Variants in HDAC9 observed in about 807,000 individuals in gnomAD.
HDAC9 encodes histone deacetylase 9, also known as MEF-2 interacting transcription repressor (MITR) protein.
A neutral mutation model predicts 139.4 loss-of-function variants in HDAC9; 41 were observed. The ratio of observed to expected loss-of-function variants is 0.29; its 90% CI spans 0.23 to 0.38. The LOEUF is 0.38. Ranked by LOEUF, HDAC9 falls within the 10% of genes least tolerant of loss-of-function variation. The probability of loss-of-function intolerance (pLI) is 1.00; values close to 1 mark genes in which losing one functional copy is unlikely to be tolerated. For missense variants in HDAC9, 1,147 were observed against 1,297.0 expected, an observed-to-expected ratio of 0.88 and a Z score of 1.78; for synonymous variants, 517 against 476.2, an observed-to-expected ratio of 1.09 and a Z score of -1.12.
Position 18,637,424 on chromosome 7 carries a change from C to G in HDAC9, c.912+2682C>G, listed in dbSNP as rs543827522. On this transcript the variant is annotated intron_variant, in intron 8 of 25. Coordinates refer to ENST00000686413, the MANE Select transcript of HDAC9 (RefSeq NM_178425.4). The stretch of plus-strand genomic sequence containing the variant: ...ATATTTCTAAAGCCATAACTTGGCA[C>G]AAATCATCTGTTTAGGTACCCTAGC... Among the ~76,000 whole-genome samples, 6 of 152,140 alleles carry G rather than the reference C, an allele frequency of 3.9e-5. No homozygotes were observed. The South Asian group carries it at 1.2e-3, about 32-fold the overall frequency.
At chr7:18,924,833 G>A (rs190571913) in intron 22 of HDAC9, among the ~76,000 whole-genome samples, 84 of 152,190 alleles carry the variant, frequency 5.5e-4, no homozygotes, top group African/African-American at 1.9e-3. Context: ...TTCAGAAACC[G>A]TGAGGATGAT....
chr7:18,330,156 T>G (rs1459563858), intron 1 of HDAC9, among the ~76,000 whole-genome samples: 1 of 151,692 alleles, frequency 6.6e-6, no homozygotes, highest in Admixed American at 6.6e-5. Context: ...ATTTAGATTG[T>G]GAAGATTCTT....
In HDAC9 at chr7:18,610,781, CTA is replaced by C. The variant is rs577550796; in HGVS notation, c.664+16754_664+16755del. Among the ~76,000 whole-genome samples, 599 of 152,308 alleles carry C rather than the reference CTA, an allele frequency of 3.9e-3. 3 individuals carry two copies. The highest frequency in any genetic ancestry group is 0.014 in the African/African-American group (572 of 41,580). On this transcript the variant is annotated intron_variant, in intron 6 of 25. Coordinates refer to ENST00000686413, the MANE Select transcript of HDAC9 (RefSeq NM_178425.4). ...CTCAAAGGAAACTTTTCCCAATCCTCTATGTTTTCTGCCCCAAAACAGTGATG... is the reference window on the plus strand; with the variant it reads ...CTCAAAGGAAACTTTTCCCAATCCTCTGTTTTCTGCCCCAAAACAGTGATG...
At chr7:18,744,012 GT>G (rs35414332) in intron 13 of HDAC9, among the ~76,000 whole-genome samples, 1,989 of 110,424 alleles carry the variant, frequency 0.018, 6 homozygotes, top group African/African-American at 0.042. Context: ...TTTACTACTA[GT>G]TTTTTTTTTT....
intron 12 of HDAC9, among the ~76,000 whole-genome samples, chr7:18,683,127 C>T (rs560023754): frequency 1.3e-5 from 2 of 151,660 alleles, no homozygotes; most frequent in Admixed American, 6.6e-5. Flanking sequence ...TTACAAAAAA[C>T]GAATAACAAT....
rs573220020 is a variant in HDAC9 at position 18,527,987 on chromosome 7, C to G, written c.22+31663C>G. On this transcript the variant is annotated intron_variant, in intron 2 of 25. Coordinates refer to ENST00000686413, the MANE Select transcript of HDAC9 (RefSeq NM_178425.4). ...ATTTTTAAAAAATACACATTTGGTA[C>G]CTTAAGAATGAAATAATTATAGGTC... Among the ~76,000 whole-genome samples the G allele has an allele frequency of 3.9e-5, 6 of 151,928 alleles. No homozygotes were observed. In the South Asian group the frequency reaches 1.2e-3, roughly 32 times the overall value.
chr7:18,312,131 G>A (rs895649703), intron 1 of HDAC9, among the ~76,000 whole-genome samples: 2 of 152,140 alleles, frequency 1.3e-5, no homozygotes, highest in Non-Finnish European at 2.9e-5. Flanking sequence ...TACCATGGCT[G>A]CATATTTTTG....
chr7:18,264,188 A>G (rs1795857653), intron 2 of HDAC9, among the ~76,000 whole-genome samples: 2 of 152,172 alleles, frequency 1.3e-5, no homozygotes, highest in South Asian at 2.1e-4. Flanking sequence ...TAGGCCTAAT[A>G]GGCATTTCCA....
exon 2 of HDAC9, chr7:18,162,320 T>G: frequency 6.5e-7 from 1 of 1,535,330 alleles, no homozygotes; most frequent in Admixed American, 2.0e-5. Flanking sequence ...GTCCCTCTGA[T>G]TCTCATGATG....
intron 22 of HDAC9, among the ~76,000 whole-genome samples, chr7:18,913,839 C>T (rs1227773243): frequency 6.6e-6 from 1 of 151,952 alleles, no homozygotes; most frequent in Non-Finnish European, 1.5e-5. Flanking sequence ...TAAATTAGCT[C>T]TTTCAATAAT....
At chr7:18,874,378 C>G (rs910028644) in intron 21 of HDAC9, 100 bp from the exon 22 acceptor site, 17 of 610,244 alleles carry the variant, frequency 2.8e-5, no homozygotes, top group Admixed American at 1.7e-4. Flanking sequence ...TTTCTTTATT[C>G]TTGGGAGGTT....
chr7:18,949,004 G>A (rs1782597717), intron 23 of HDAC9: 4 of 401,464 alleles, frequency 1.0e-5, no homozygotes, highest in South Asian at 8.1e-5. Flanking sequence ...TTTGGGAAGA[G>A]AACCACCTTT....
At chr7:18,169,534 A>G (rs907161660) in intron 2 of HDAC9, among the ~76,000 whole-genome samples, 5 of 151,892 alleles carry the variant, frequency 3.3e-5, no homozygotes, top group Non-Finnish European at 5.9e-5. Flanking sequence ...ATAGGTATAC[A>G]TGTGCCACGT....
At chr7:18,667,819 G>T (rs1224941692) in intron 12 of HDAC9, 1 of 984,464 alleles carries the variant, frequency 1.0e-6, no homozygotes, top group Non-Finnish European at 1.2e-6. Flanking sequence ...GCTTTTCACT[G>T]GAACATTTCC....
chr7:18,999,949 T>C lies in HDAC9; in HGVS notation c.*3887T>C, dbSNP rs1786672989. 6.6e-6 allele frequency: 1 copy of C among 152,238 alleles called. No homozygotes were observed. Among genetic ancestry groups the C allele is most frequent in the Non-Finnish European group, 1.5e-5 (1 of 68,044 alleles). 9.4% of individuals were successfully genotyped at this position (152,238 alleles called of 1,614,324 possible). ...ACTCTGTCAGTGTTTGACATTGTCA[T>C]TTCTAGTGGCATGTATCTTAACATT... On this transcript the variant is annotated 3_prime_UTR_variant, in exon 26 of 26. Coordinates refer to ENST00000686413, the MANE Select transcript of HDAC9 (RefSeq NM_178425.4).
At chr7:18,162,542 C>G in intron 2 of HDAC9, 1 of 587,366 alleles carries the variant, frequency 1.7e-6, no homozygotes, top group Non-Finnish European at 3.0e-6. Context: ...GCTTCCTGGA[C>G]AACTGATTTG....
chr7:18,683,535 C>T (rs961500352), intron 12 of HDAC9, among the ~76,000 whole-genome samples: 1 of 152,092 alleles, frequency 6.6e-6, no homozygotes. Context: ...ATCTTTACTT[C>T]CCTACACTAC....
chr7:18,737,150 A>G (rs1786996912), intron 13 of HDAC9, among the ~76,000 whole-genome samples: 2 of 151,960 alleles, frequency 1.3e-5, no homozygotes, highest in Non-Finnish European at 2.9e-5. Flanking sequence ...TCTTGCTAGC[A>G]GTCTATCAAT....
At chr7:18,265,435 T>C (rs936417079) in intron 2 of HDAC9, among the ~76,000 whole-genome samples, 18 of 152,186 alleles carry the variant, frequency 1.2e-4, no homozygotes, top group Non-Finnish European at 2.4e-4. Flanking sequence ...CAAGGAAGCA[T>C]ATTGTATAGT....
Sources: allele counts gnomAD v4.1 joint callset (sites outside exome capture counted in the v4.1 genomes callset), GRCh38; gene constraint gnomAD v4.1.1; transcripts MANE v1.5; gene names NCBI Gene and HGNC (gene_info 2026-07-23, HGNC 2026-07-21).